EIF4E: variants seen among roughly 807,000 people sequenced by gnomAD.
EIF4E encodes eIF-4F 25 kDa subunit.
For synonymous variants in EIF4E, 71 were observed against 88.5 expected (o/e 0.80, Z 1.11); for missense variants, 113 against 265.6 (o/e 0.43, Z 3.99).
Position 98,929,119 on chromosome 4 carries a change from T to G in EIF4E, c.-7A>C, listed in dbSNP as rs927267113. 6.4e-6 allele frequency: 10 copies of G among 1,570,918 alleles called. No individual in the cohort carries two copies. In the Admixed American group the frequency reaches 1.7e-4, roughly 26 times the overall value. ...CCGGTTCGACAGTCGCCATCTTAGA[T>G]CGATCTGATCGCACAACCGCTCCAG... On this transcript the variant is annotated 5_prime_UTR_variant, in exon 1 of 7. Transcript: ENST00000450253.
intron 1 of EIF4E, among the ~76,000 whole-genome samples, chr4:98,912,916 T>C (rs954604193): frequency 2.0e-5 from 3 of 152,150 alleles, no homozygotes; most frequent in African/African-American, 7.2e-5. Flanking sequence ...GTTAAAATTC[T>C]ATGTGTTTTG....
Position 98,890,077 on chromosome 4 carries a change from T to C in EIF4E, c.221+1160A>G, listed in dbSNP as rs184347479. Among the ~76,000 whole-genome samples the C allele has an allele frequency of 1.4e-4, 21 of 152,346 alleles. No homozygotes were observed. The East Asian group carries it at 3.7e-3, about 27-fold the overall frequency. ...AATGTTCTCAAATACTCTCAAAGTT[T>C]ATGGTTTTAATCGTATGCTTTGCTT... On this transcript the variant is annotated intron_variant, in intron 3 of 6. Transcript: ENST00000450253.
intron 1 of EIF4E, among the ~76,000 whole-genome samples, chr4:98,922,699 A>G (rs1725700165): frequency 6.6e-6 from 1 of 152,168 alleles, no homozygotes; most frequent in Non-Finnish European, 1.5e-5. Flanking sequence ...GTATGTTTAT[A>G]AGGTTTTTTT....
intron 2 of EIF4E, among the ~76,000 whole-genome samples, chr4:98,897,070 G>GA: frequency 6.6e-6 from 1 of 152,298 alleles, no homozygotes; most frequent in South Asian, 2.1e-4. Context: ...AGACAGGCAG[G>GA]AGGCCCTAAG....
Position 98,910,318 on chromosome 4 carries a change from T to A in EIF4E, c.19-8336A>T, listed in dbSNP as rs535422619. Among the ~76,000 whole-genome samples, 16 of 151,978 alleles carry A rather than the reference T, an allele frequency of 1.1e-4. No homozygotes were observed. The East Asian group carries it at 3.1e-3, about 29-fold the overall frequency. ...TAAAACACTGCTCACATGGAAAAAA[T>A]TTTTTCATGTAAAAGTCCCTGAGAC... On this transcript the variant is annotated intron_variant, in intron 1 of 6. Coordinates refer to ENST00000450253, the MANE Select transcript of EIF4E (RefSeq NM_001968.5).
chr4:98,888,680 G>T (rs1724022289), intron 3 of EIF4E, among the ~76,000 whole-genome samples: 2 of 152,126 alleles, frequency 1.3e-5, no homozygotes, highest in African/African-American at 4.8e-5. Flanking sequence ...TAGATCATTT[G>T]ATCTCCTGTA....
rs965273355 is a variant in EIF4E at position 98,909,859 on chromosome 4, G to C, written c.19-7877C>G. On this transcript the variant is annotated intron_variant, in intron 1 of 6. Transcript: ENST00000450253. ...GACAGGATCAGCCATGGTCCCCCAAGCGCCATGAGAAGGGTGGGACAGAGA... is the reference window on the plus strand; with the variant it reads ...GACAGGATCAGCCATGGTCCCCCAACCGCCATGAGAAGGGTGGGACAGAGA... The C allele has an allele frequency of 1.4e-5, 9 of 661,742 alleles. No individual in the cohort carries two copies. The African/African-American group carries it at 1.6e-4, about 12-fold the overall frequency. The allele number at this position is 661,742 out of a possible 1,614,324, so 41.0% of individuals were successfully genotyped here. A position where few individuals can be genotyped will look rare whatever the true frequency, so the allele number is the denominator to read the frequency against.
intron 5 of EIF4E, among the ~76,000 whole-genome samples, chr4:98,886,069 C>T (rs1723905754): frequency 6.6e-6 from 1 of 152,060 alleles, no homozygotes; most frequent in South Asian, 2.1e-4. Flanking sequence ...AGGATGATTG[C>T]TTGAACCCAG....
chr4:98,914,132 C>T (rs186167843), intron 1 of EIF4E, among the ~76,000 whole-genome samples: 2 of 150,646 alleles, frequency 1.3e-5, no homozygotes, highest in East Asian at 1.9e-4. Flanking sequence ...CCGAGGTGGG[C>T]GGATCACGAG....
chr4:98,920,306 CT>C lies in EIF4E; in HGVS notation c.18+8788del, dbSNP rs958184205. Among the ~76,000 whole-genome samples, 520 of 145,170 alleles carry C rather than the reference CT, an allele frequency of 3.6e-3. 2 individuals carry two copies. The highest frequency in any genetic ancestry group is 8.0e-3 in the African/African-American group (318 of 39,920). On this transcript the variant is annotated intron_variant, in intron 1 of 6. Transcript: ENST00000450253. ...AATACATGTTAAAACATTCTTTTTT[CT>C]TTTTTTTTTTTGAGACGGAGTTTCA... is the stretch of plus-strand genomic sequence containing the variant.
Position 98,928,787 on chromosome 4 carries a change from C to A in EIF4E, c.18+308G>T. The A allele has an allele frequency of 2.1e-6, 3 of 1,410,846 alleles. No homozygotes were observed. The South Asian group carries it at 4.2e-5, about 20-fold the overall frequency. 87.4% of individuals were successfully genotyped at this position (1,410,846 alleles called of 1,614,324 possible). The stretch of plus-strand genomic sequence containing the variant: ...TCATGAAGACACCATCCTCGCATAC[C>A]CAGCCCAGAACCCCAGCTACCCTCC... On this transcript the variant is annotated intron_variant, in intron 1 of 6. Transcript: ENST00000450253.
At chr4:98,888,482 A>T (rs1163814409) in intron 3 of EIF4E, among the ~76,000 whole-genome samples, 1 of 152,194 alleles carries the variant, frequency 6.6e-6, no homozygotes, top group Admixed American at 6.5e-5. Flanking sequence ...TCAACATAAT[A>T]ATCATTTTAA....
At chr4:98,924,394 G>A (rs1725785448) in intron 1 of EIF4E, among the ~76,000 whole-genome samples, 1 of 151,400 alleles carries the variant, frequency 6.6e-6, no homozygotes, top group Admixed American at 6.6e-5. Context: ...TTAACTTTAT[G>A]TAAATTAAAC....
intron 2 of EIF4E, among the ~76,000 whole-genome samples, chr4:98,899,104 A>T (rs1361490340): frequency 2.0e-5 from 3 of 152,026 alleles, no homozygotes; most frequent in Admixed American, 6.6e-5. Flanking sequence ...AAGACAAATG[A>T]TATGGATAAC....
intron 1 of EIF4E, among the ~76,000 whole-genome samples, chr4:98,926,879 G>A (rs1725891379): frequency 6.6e-6 from 1 of 152,198 alleles, no homozygotes; most frequent in South Asian, 2.1e-4. Flanking sequence ...TCATCACTTT[G>A]CAGTTCCGCT....
rs1186142729 is a variant in EIF4E, at chr4:98,919,846, AC to A, written c.18+9248del. Among the ~76,000 whole-genome samples the A allele has an allele frequency of 7.2e-5, 11 of 152,284 alleles. No homozygotes were observed. In the East Asian group the frequency reaches 2.1e-3, roughly 29 times the overall value. On this transcript the variant is annotated intron_variant, in intron 1 of 6. Transcript: ENST00000450253. ...AGTGCTGGGATTACAGGCGTGAGCC[AC>A]CATGCCCGGCCAGAATTTCTAGCTT...
At chr4:98,892,309 G>A (rs1345750943) in intron 2 of EIF4E, among the ~76,000 whole-genome samples, 2 of 109,866 alleles carry the variant, frequency 1.8e-5, no homozygotes, top group Non-Finnish European at 3.6e-5. Context: ...CAACAAGAGC[G>A]AAATTCCATC....
intron 2 of EIF4E, chr4:98,895,496 T>G (rs1724341973): frequency 6.6e-6 from 1 of 152,246 alleles, no homozygotes; most frequent in African/African-American, 2.4e-5. Context: ...AACACGAATG[T>G]TGTCTGAAGA....
intron 1 of EIF4E, among the ~76,000 whole-genome samples, chr4:98,908,689 G>C (rs1199265564): frequency 2.6e-5 from 4 of 152,260 alleles, no homozygotes; most frequent in South Asian, 4.1e-4. Context: ...CATTTACTAA[G>C]CAGTAACTAC....
Sources: gnomAD v4.1 joint callset for allele counts (sites outside exome capture counted in the v4.1 genomes callset) on GRCh38, gnomAD v4.1.1 for gene constraint, MANE v1.5 for transcripts, NCBI Gene and HGNC (gene_info 2026-07-23, HGNC 2026-07-21) for gene names.